DENND2B: variants seen among roughly 807,000 people sequenced by gnomAD.
DENND2B encodes the protein DENN domain containing 2B, also known as DENN domain-containing protein 2B.
In DENND2B, 32 loss-of-function variants were observed where a neutral mutation model predicts 116.0. The observed-to-expected ratio is 0.28, with a 90% confidence interval of 0.21 to 0.37. The LOEUF is 0.37. Among genes scored for constraint, DENND2B ranks in the 10% least tolerant of loss-of-function variants. DENND2B has a pLI of 1.00. For missense variants in DENND2B, 1,276 were observed against 1,477.7 expected (o/e 0.86, Z 2.24); for synonymous variants, 588 against 583.9 (o/e 1.01, Z -0.10).
chr11:8,694,681 G>T (rs55665668), intron 19 of DENND2B: 2 of 451,150 alleles, frequency 4.4e-6, no homozygotes, highest in South Asian at 3.2e-5. Context: ...AAGAATATTT[G>T]GGGGAAAAAA....
chr11:8,836,233 T>C (rs2062420210), intron 4 of DENND2B, among the ~76,000 whole-genome samples: 1 of 151,054 alleles, frequency 6.6e-6, no homozygotes, highest in Non-Finnish European at 1.5e-5. Flanking sequence ...GAAGTCCTAC[T>C]TGAAAGTATA....
intron 11 of DENND2B, among the ~76,000 whole-genome samples, chr11:8,709,486 C>T (rs1345351506): frequency 2.0e-5 from 3 of 152,178 alleles, no homozygotes; most frequent in African/African-American, 4.8e-5. Context: ...AGGCAGCCTT[C>T]GCAACACTCC....
chr11:8,885,302 C>T (rs1045350462), intron 1 of DENND2B, among the ~76,000 whole-genome samples: 4 of 152,258 alleles, frequency 2.6e-5, no homozygotes, highest in South Asian at 2.1e-4. Flanking sequence ...TCCCCACCCA[C>T]GGCTGCCTAT....
rs190098119 is a variant in DENND2B at position 8,693,995 on chromosome 11, G to C, written c.*101C>G. ...GGCTGGCTTGGAGGATAGGATCTGT[G>C]GGGGCAGAGGAGCCACAGCAGCCCA... On this transcript the variant is annotated 3_prime_UTR_variant, in exon 20 of 20. Transcript: ENST00000313726. 76 of 1,284,038 alleles carry C rather than the reference G, an allele frequency of 5.9e-5. No individual in the cohort carries two copies. Among genetic ancestry groups the C allele is most frequent in the Non-Finnish European group, 8.0e-5 (72 of 901,236 alleles). The allele number at this position is 1,284,038 out of a possible 1,614,324, so 79.5% of individuals were successfully genotyped here. A position where few individuals can be genotyped will look rare whatever the true frequency, so the allele number is the denominator to read the frequency against.
chr11:8,696,050 C>A (rs927294956), intron 18 of DENND2B: 6 of 268,398 alleles, frequency 2.2e-5, no homozygotes, highest in South Asian at 6.3e-5. Context: ...GACAGCTGGC[C>A]CAATGCTCTG....
chr11:8,710,001 G>A (rs2043312541), intron 11 of DENND2B, among the ~76,000 whole-genome samples: 1 of 152,140 alleles, frequency 6.6e-6, no homozygotes, highest in Admixed American at 6.5e-5. Flanking sequence ...ACTCTCAATA[G>A]GTCAGGGCTT....
At chr11:8,829,058 T>TGTGTGGTGTG (rs569451100) in intron 4 of DENND2B, among the ~76,000 whole-genome samples, 1 of 149,154 alleles carries the variant, frequency 6.7e-6, no homozygotes, top group Non-Finnish European at 1.5e-5. Flanking sequence ...GTGTGTGGTG[T>TGTGTGGTGTG]GTGTGGTGTG....
Position 8,715,825 on chromosome 11 carries a change from TG to T in DENND2B, c.1630-8del, listed in dbSNP as rs1347699800. On this transcript the variant is annotated splice_region_variant and splice_polypyrimidine_tract_variant and intron_variant, in intron 5 of 19. Coordinates refer to ENST00000313726, the MANE Select transcript of DENND2B (RefSeq NM_213618.2). Reference sequence around the variant, plus strand: ...TGTTGGGTTTCAGGGAAAGCTGGCGTGGGGGAGAGGACGTGCGAGAGGGGCT... The same window carrying T: ...TGTTGGGTTTCAGGGAAAGCTGGCGTGGGGAGAGGACGTGCGAGAGGGGCT... 4 of 1,592,528 alleles carry T rather than the reference TG, an allele frequency of 2.5e-6. No individual in the cohort carries two copies. The highest frequency in any genetic ancestry group is 1.7e-5 in the Admixed American group (1 of 59,348).
At chr11:8,756,799 G>A (rs2053686729) in intron 1 of DENND2B, among the ~76,000 whole-genome samples, 1 of 152,172 alleles carries the variant, frequency 6.6e-6, no homozygotes, top group Non-Finnish European at 1.5e-5. Flanking sequence ...TGCAGGGAGA[G>A]AAGACACTCC....
Position 8,894,932 on chromosome 11 carries a change from A to G in DENND2B, c.-255-13823T>C, listed in dbSNP as rs1368337255. On this transcript the variant is annotated intron_variant, in intron 1 of 22. Coordinates refer to the DENND2B transcript ENST00000534127. Reference sequence around the variant, plus strand: ...CCAAAGGATTATAAATCATGCTGCTATAAAGACACATGCACACGTATGTTT... The same window carrying G: ...CCAAAGGATTATAAATCATGCTGCTGTAAAGACACATGCACACGTATGTTT... Among the ~76,000 whole-genome samples the G allele has an allele frequency of 2.4e-3, 371 of 152,272 alleles. 4 individuals carry two copies. The highest frequency in any genetic ancestry group is 6.8e-3 in the Middle Eastern group (2 of 294).
chr11:8,888,603 G>A (rs1330734480), intron 1 of DENND2B, among the ~76,000 whole-genome samples: 2 of 151,990 alleles, frequency 1.3e-5, no homozygotes, highest in East Asian at 1.9e-4. Context: ...AAATTTGGGG[G>A]CACCAAAGGA....
chr11:8,771,283 A>G (rs2056796085), intron 1 of DENND2B, among the ~76,000 whole-genome samples: 1 of 152,058 alleles, frequency 6.6e-6, no homozygotes, highest in Non-Finnish European at 1.5e-5. Flanking sequence ...ACAAGGGGAG[A>G]AAAGGACATT....
At chr11:8,697,875 T>A in intron 16 of DENND2B, 1 of 552,108 alleles carries the variant, frequency 1.8e-6, no homozygotes, top group Non-Finnish European at 3.3e-6. Flanking sequence ...ACGCCAGTAA[T>A]CCCAACACTT....
chr11:8,766,700 A>C, intron 1 of DENND2B: 1 of 1,287,052 alleles, frequency 7.8e-7, no homozygotes, highest in Non-Finnish European at 1.0e-6. Context: ...CCTTGAAGTC[A>C]TAATCCTCTG....
At chr11:8,802,562 C>A (rs2060451249) in intron 1 of DENND2B, among the ~76,000 whole-genome samples, 1 of 152,164 alleles carries the variant, frequency 6.6e-6, no homozygotes, top group African/African-American at 2.4e-5. Flanking sequence ...CCCAATCTGA[C>A]CCCAGAGCCC....
In DENND2B at chr11:8,726,217, T is replaced by A. The variant is rs1401020501; in HGVS notation, c.1341-8A>T. On this transcript the variant is annotated splice_polypyrimidine_tract_variant and splice_region_variant and intron_variant, in intron 3 of 19. Coordinates refer to ENST00000313726, the MANE Select transcript of DENND2B (RefSeq NM_213618.2). Reference sequence around the variant, plus strand: ...TCAAACTCAAAGGATTTTCTGTGGATAACAAGAGCAAGAGTCATTCCTGCT... The same window carrying A: ...TCAAACTCAAAGGATTTTCTGTGGAAAACAAGAGCAAGAGTCATTCCTGCT... The A allele has an allele frequency of 6.2e-7, 1 of 1,604,472 alleles. No individual in the cohort carries two copies. The highest frequency in any genetic ancestry group is 8.5e-7 in the Non-Finnish European group (1 of 1,175,536).
intron 1 of DENND2B, among the ~76,000 whole-genome samples, chr11:8,762,217 TA>T (rs1237129985): frequency 6.6e-6 from 1 of 152,222 alleles, no homozygotes; most frequent in African/African-American, 2.4e-5. Context: ...GGGTCCCTTT[TA>T]TAACTCTGGC....
chr11:8,732,863 G>A lies in DENND2B; in HGVS notation c.81-1654C>T, dbSNP rs896828942. ...TGGGCTGCCCAGCCTCTCAGGCTCC[G>A]GAATGCCATGCTATCCACAGGAAGG... On this transcript the variant is annotated intron_variant, in intron 2 of 19. Coordinates refer to ENST00000313726, the MANE Select transcript of DENND2B (RefSeq NM_213618.2). Among the ~76,000 whole-genome samples the A allele has an allele frequency of 4.6e-5, 7 of 152,340 alleles. No individual in the cohort carries two copies. The South Asian group carries it at 6.2e-4, about 14-fold the overall frequency.
At chr11:8,750,475 C>G in intron 2 of DENND2B, 146 bp downstream of exon 2, 1 of 669,206 alleles carries the variant, frequency 1.5e-6, no homozygotes, top group Non-Finnish European at 2.6e-6. Flanking sequence ...TAGAAAATAT[C>G]TTCTGCCTAA....
Sources: gnomAD v4.1 joint callset for allele counts (sites outside exome capture counted in the v4.1 genomes callset) on GRCh38, gnomAD v4.1.1 for gene constraint, MANE v1.5 for transcripts, NCBI Gene and HGNC (gene_info 2026-07-23, HGNC 2026-07-21) for gene names.